FAM234A: variants seen among roughly 807,000 people sequenced by gnomAD.
FAM234A encodes the protein protein FAM234A.
Under a neutral mutation model 49.1 loss-of-function variants are expected in FAM234A, and 42 were observed. That is an observed-to-expected ratio of 0.86 (90% CI 0.67 to 1.11). The LOEUF (loss-of-function observed/expected upper bound fraction) is 1.11, where lower values mean the gene tolerates loss of function less well. Ranked by LOEUF, FAM234A falls within the 50% of genes least tolerant of loss-of-function variation. The pLI, the probability that FAM234A is intolerant of heterozygous loss-of-function variation, is 0.00. For missense variants in FAM234A, 815 were observed against 745.2 expected (o/e 1.09, Z -1.09); for synonymous variants, 369 against 316.2 (o/e 1.17, Z -1.77).
chr16:241,275 G>GA (rs3074556), intron 1 of FAM234A, among the ~76,000 whole-genome samples: 344 of 147,204 alleles, frequency 2.3e-3, no homozygotes, highest in Middle Eastern at 7.0e-3. Context: ...CAAAAAGAAA[G>GA]AAAAAAAAAA....
intron 1 of FAM234A, among the ~76,000 whole-genome samples, chr16:239,207 G>T: frequency 7.3e-6 from 1 of 136,102 alleles, no homozygotes; most frequent in African/African-American, 2.8e-5. Context: ...GGATGAGGCA[G>T]GAGAATCGCT....
chr16:264,047 TC>T lies in FAM234A; in HGVS notation c.1222del (p.Leu408CysfsTer4). The T allele has an allele frequency of 6.2e-7, 1 of 1,613,204 alleles. No homozygotes were observed. Among genetic ancestry groups the T allele is most frequent in the Non-Finnish European group, 8.5e-7 (1 of 1,179,966 alleles). The part of the protein sequence containing the change: ...ILFLDLGTGA[V>X]LCSLALPSLP... ...TTTCTGGACCTTGGCACTGGAGCCG[TC>T]CTGTGTAGCCTAGCCCTCCCGAGCC... On this transcript the variant is annotated frameshift_variant, in exon 11 of 13. Transcript: ENST00000399932. LOFTEE classifies it high-confidence loss of function.
At position 263,502 on chromosome 16, in the gene FAM234A, C is replaced by T. The variant is rs995485287; in HGVS notation, c.1112+100C>T. 3.8e-5 allele frequency: 58 copies of T among 1,506,580 alleles called. No individual in the cohort carries two copies. In the African/African-American group the frequency reaches 4.0e-4, roughly 10 times the overall value. The allele number at this position is 1,506,580 out of a possible 1,614,324, so 93.3% of individuals were successfully genotyped here. ...GAGGAGACAGCGCTGGGGGTGGGGC[C>T]GGAGGCCGTGTGCTGCTGCCCGGGC... On this transcript the variant is annotated intron_variant, in intron 9 of 12. Transcript: ENST00000399932.
chr16:251,755 G>A (rs1362585137), intron 2 of FAM234A, among the ~76,000 whole-genome samples: 1 of 136,698 alleles, frequency 7.3e-6, no homozygotes, highest in African/African-American at 2.8e-5. Context: ...TGTAATCCCA[G>A]CAGTTTGGGA....
downstream of FAM234A, chr16:269,077 C>A: frequency 1.0e-6 from 1 of 982,120 alleles, no homozygotes. Context: ...TGGACCCATT[C>A]CTTCTGGGCA....
Position 265,411 on chromosome 16 carries a change from C to T in FAM234A, c.*389C>T, listed in dbSNP as rs1181806046. On this transcript the variant is annotated 3_prime_UTR_variant, in exon 13 of 13. Coordinates refer to ENST00000399932, the MANE Select transcript of FAM234A (RefSeq NM_032039.4). ...CTTCTCCCCAGGCCAGAGCGGCCATCGCGTAGAAAGAACCAGGGTGTCCCC... is the reference window on the plus strand; with the variant it reads ...CTTCTCCCCAGGCCAGAGCGGCCATTGCGTAGAAAGAACCAGGGTGTCCCC... The T allele has an allele frequency of 8.5e-5, 87 of 1,020,618 alleles. No individual in the cohort carries two copies. The highest frequency in any genetic ancestry group is 3.9e-4 in the South Asian group (9 of 22,960). The allele number at this position is 1,020,618 out of a possible 1,614,324, so 63.2% of individuals were successfully genotyped here. A position where few individuals can be genotyped will look rare whatever the true frequency, so the allele number is the denominator to read the frequency against.
rs777329540 is a variant in FAM234A, at chr16:254,690, C to G, written c.268+9C>G. ...AGACTACAGTGCCGCTGGTGAGCCT[C>G]GGCTTCCCCGCCCAGTGGGGTCCAA... On this transcript the variant is annotated intron_variant, in intron 3 of 12. Transcript: ENST00000399932. 1.7e-5 allele frequency: 28 copies of G among 1,612,226 alleles called. No individual in the cohort carries two copies. The East Asian group carries it at 6.0e-4, about 35-fold the overall frequency.
intron 1 of FAM234A, among the ~76,000 whole-genome samples, chr16:237,383 G>A (rs73484307): frequency 0.034 from 5,154 of 152,224 alleles, 309 homozygotes; most frequent in African/African-American, 0.12. Context: ...GGGTCTCATG[G>A]AGTTGCAGCC....
intron 1 of FAM234A, among the ~76,000 whole-genome samples, chr16:240,648 G>A (rs2050580835): frequency 6.6e-6 from 1 of 151,962 alleles, no homozygotes. Context: ...GACTACAGGC[G>A]CGTGCCACCA....
At position 265,926 on chromosome 16, in the gene FAM234A, T is replaced by C. The variant is rs924123500; in HGVS notation, c.*904T>C. On this transcript the variant is annotated 3_prime_UTR_variant, in exon 13 of 13. Transcript: ENST00000399932. ...CACACGCCCACGCCGTGCCACCCGA[T>C]GCAGGACTCACCTCTGTGCCTTGCT... The C allele has an allele frequency of 4.1e-6, 4 of 986,186 alleles. No homozygotes were observed. The highest frequency in any genetic ancestry group is 6.1e-5 in the Admixed American group (1 of 16,272). The allele number at this position is 986,186 out of a possible 1,614,324, so 61.1% of individuals were successfully genotyped here.
intron 3 of FAM234A, 26 bp from the exon 4 acceptor site, chr16:259,457 G>A (rs1219722617): frequency 2.3e-6 from 3 of 1,329,572 alleles, no homozygotes; most frequent in South Asian, 1.2e-5. Context: ...GGCCCGCGGA[G>A]TATAGTCTGT....
chr16:268,890 T>C, downstream of FAM234A: 1 of 1,550,542 alleles, frequency 6.4e-7, no homozygotes, highest in South Asian at 1.2e-5. Context: ...TGCATCTTGC[T>C]TCCGGGTATT....
chr16:241,741 C>T (rs2050622716), intron 1 of FAM234A, among the ~76,000 whole-genome samples: 2 of 151,798 alleles, frequency 1.3e-5, no homozygotes, highest in Admixed American at 6.6e-5. Context: ...CACAGTGAAA[C>T]CCCATCTCTA....
chr16:247,604 G>A lies in FAM234A; in HGVS notation c.-139-1945G>A, dbSNP rs189280439. Among the ~76,000 whole-genome samples, 483 of 151,558 alleles carry A rather than the reference G, an allele frequency of 3.2e-3. 16 individuals carry two copies. Among genetic ancestry groups the A allele is most frequent in the African/African-American group, 0.012 (475 of 41,158 alleles). On this transcript the variant is annotated intron_variant, in intron 1 of 12. Coordinates refer to ENST00000399932, the MANE Select transcript of FAM234A (RefSeq NM_032039.4). ...CCGCCACCACGCCCGACTAATTTTTGTATTTTTTAGTAGAGATGGGGTTTC... is the reference window on the plus strand; with the variant it reads ...CCGCCACCACGCCCGACTAATTTTTATATTTTTTAGTAGAGATGGGGTTTC...
intron 1 of FAM234A, among the ~76,000 whole-genome samples, chr16:239,315 AAAAT>A (rs1247807977): frequency 6.8e-6 from 1 of 147,162 alleles, no homozygotes; most frequent in Non-Finnish European, 1.5e-5. Flanking sequence ...AATAAAAATA[AAAAT>A]AAATAAAAAT....
intron 2 of FAM234A, among the ~76,000 whole-genome samples, chr16:250,513 A>G (rs753473101): frequency 6.6e-6 from 1 of 152,056 alleles, no homozygotes; most frequent in Non-Finnish European, 1.5e-5. Context: ...ACTGCCTTTG[A>G]TAAGCACACC....
rs753860662 is a variant in FAM234A at position 259,607 on chromosome 16, C to G, written c.385+8C>G. On this transcript the variant is annotated splice_region_variant and intron_variant, in intron 4 of 12. Coordinates refer to ENST00000399932, the MANE Select transcript of FAM234A (RefSeq NM_032039.4). ...GATCCTGTGTGGACGAAGGTAATTT[C>G]ATTTTATATGAAAAAGGCGGAGCTC... is the stretch of plus-strand genomic sequence containing the variant. 2.6e-6 allele frequency: 4 copies of G among 1,534,452 alleles called. No homozygotes were observed. In the African/African-American group the frequency reaches 4.1e-5, roughly 16 times the overall value.
chr16:242,844 C>G (rs1401966537), intron 1 of FAM234A, among the ~76,000 whole-genome samples: 8 of 151,926 alleles, frequency 5.3e-5, no homozygotes, highest in African/African-American at 1.9e-4. Flanking sequence ...GAACTCCTGA[C>G]CTTGCGATCC....
chr16:257,278 CTG>C (rs2051273419), intron 3 of FAM234A, among the ~76,000 whole-genome samples: 1 of 113,734 alleles, frequency 8.8e-6, no homozygotes, highest in Admixed American at 1.3e-4. Context: ...CAGTCTTGCT[CTG>C]TCATCCAGGC....
Sources: gnomAD v4.1 joint callset for allele counts (sites outside exome capture counted in the v4.1 genomes callset) on GRCh38, gnomAD v4.1.1 for gene constraint, MANE v1.5 for transcripts, NCBI Gene and HGNC (gene_info 2026-07-23, HGNC 2026-07-21) for gene names.